The following ULBP2 variants were observed in gnomAD, a reference collection of about 807,000 sequenced individuals.
The protein encoded by ULBP2 is UL16-binding protein 2.
A neutral mutation model predicts 23.6 loss-of-function variants in ULBP2; 21 were observed. The observed-to-expected ratio is 0.89, with a 90% CI of 0.63 to 1.28. The LOEUF is 1.28. ULBP2 is among the 50% of genes most tolerant of loss of function. The pLI, the probability that ULBP2 is intolerant of heterozygous loss-of-function variation, is 0.00. For missense variants in ULBP2, 251 were observed against 306.0 expected (o/e 0.82, Z 1.34); for synonymous variants, 82 against 112.8 (o/e 0.73, Z 1.73).
intron 1 of ULBP2, among the ~76,000 whole-genome samples, chr6:149,943,295 G>A (rs1439380036): frequency 2.0e-5 from 3 of 152,166 alleles, no homozygotes; most frequent in African/African-American, 2.4e-5. Flanking sequence ...GTCAGTTGGA[G>A]AGTAGAAGGT....
chr6:149,946,456 G>T lies in ULBP2; in HGVS notation c.434G>T (p.Gly145Val), dbSNP rs1186843807. ...SSGSWQFSFD[G>V]QIFLLFDSEK... ...GGATCTTGGCAGTTCAGTTTCGATG[G>T]GCAGATCTTCCTCCTCTTTGACTCA... is the stretch of plus-strand genomic sequence containing the variant. Residue 145 changes from glycine (G) to valine (V), a missense_variant, in exon 3 of 5, where the codon GGG (glycine) becomes GTG (valine). Physicochemically the swap from Gly to Val is moderately radical, Grantham distance 109. Coordinates refer to ENST00000367351, the MANE Select transcript of ULBP2 (RefSeq NM_025217.4). The T allele has an allele frequency of 1.9e-6, 3 of 1,614,138 alleles. No homozygotes were observed. The South Asian group carries it at 3.3e-5, about 18-fold the overall frequency.
chr6:149,945,940 C>CAA (rs57354290), intron 2 of ULBP2, among the ~76,000 whole-genome samples: 11,927 of 72,860 alleles, frequency 0.16, 1,364 homozygotes, highest in African/African-American at 0.33. Flanking sequence ...GACTTTGTCT[C>CAA]AAAAAAAAAA....
intron 4 of ULBP2, among the ~76,000 whole-genome samples, chr6:149,947,944 C>A (rs371323942): frequency 6.6e-6 from 1 of 152,212 alleles, no homozygotes; most frequent in Non-Finnish European, 1.5e-5. Context: ...CCTTGGTACA[C>A]CTAATTGAAA....
At chr6:149,942,952 A>G (rs1013491927) in intron 1 of ULBP2, among the ~76,000 whole-genome samples, 2 of 152,174 alleles carry the variant, frequency 1.3e-5, no homozygotes, top group Admixed American at 6.5e-5. Context: ...TGGTGAGTAG[A>G]GGCACCCACT....
intron 1 of ULBP2, among the ~76,000 whole-genome samples, chr6:149,943,931 G>C (rs554722800): frequency 5.8e-4 from 88 of 152,084 alleles, no homozygotes; most frequent in Middle Eastern, 6.8e-3. Context: ...CATCATGCAT[G>C]GATTGTCTAT....
In ULBP2 at chr6:149,948,584, G is replaced by A. The variant is rs139775346; in HGVS notation, c.*23-139G>A. ...AAAGAGGTAGGTCCAAGCTGCAGTC[G>A]CCAGGGTTGAGGCTCAAGGGAAAAA... is the stretch of plus-strand genomic sequence containing the variant. On this transcript the variant is annotated intron_variant, in intron 4 of 4. Transcript: ENST00000367351. 3.3e-4 allele frequency: 142 copies of A among 436,258 alleles called. 1 individual carries two copies. The highest frequency in any genetic ancestry group is 1.4e-3 in the Middle Eastern group (4 of 2,852). The allele number at this position is 436,258 out of a possible 1,614,324, so 27.0% of individuals were successfully genotyped here.
chr6:149,948,454 G>A lies in ULBP2; in HGVS notation c.*23-269G>A, dbSNP rs554215979. ...TCAGATCATAGAGAGGGCCTTGAGT[G>A]AGGGCGCGGACCCATCACTACCAGC... On this transcript the variant is annotated intron_variant, in intron 4 of 4. Coordinates refer to ENST00000367351, the MANE Select transcript of ULBP2 (RefSeq NM_025217.4). Among the ~76,000 whole-genome samples the A allele has an allele frequency of 2.6e-5, 4 of 152,232 alleles. No homozygotes were observed. In the South Asian group the frequency reaches 8.3e-4, roughly 32 times the overall value.
intron 1 of ULBP2, 49 bp downstream of exon 1, chr6:149,942,206 G>T (rs775399167): frequency 6.3e-7 from 1 of 1,574,922 alleles, no homozygotes; most frequent in Non-Finnish European, 8.6e-7. Context: ...AGCCTGGAGG[G>T]CTGTGAACTG....
chr6:149,948,224 A>G (rs1230776728), intron 4 of ULBP2, among the ~76,000 whole-genome samples: 2 of 152,100 alleles, frequency 1.3e-5, no homozygotes, highest in African/African-American at 4.8e-5. Context: ...CACAGGCACC[A>G]CTGGGCTGGA....
chr6:149,944,293 G>A (rs797022016), intron 1 of ULBP2, among the ~76,000 whole-genome samples: 1 of 151,768 alleles, frequency 6.6e-6, no homozygotes, highest in East Asian at 1.9e-4. Flanking sequence ...GGGTGGGTTT[G>A]CATCTCTTTT....
rs547005549 is a variant in ULBP2, at chr6:149,943,308, T to C, written c.85+1151T>C. 2.8e-4 allele frequency among the ~76,000 whole-genome samples: 42 copies of C among 152,250 alleles called. 1 individual carries two copies. Among genetic ancestry groups the C allele is most frequent in the African/African-American group, 9.1e-4 (38 of 41,540 alleles). ...ATGTCAGTTGGAGAGTAGAAGGTGG[T>C]CCTACCTTGTCTGTGGCTTCTGGGT... On this transcript the variant is annotated intron_variant, in intron 1 of 4. Coordinates refer to ENST00000367351, the MANE Select transcript of ULBP2 (RefSeq NM_025217.4).
At position 149,942,105 on chromosome 6, in the gene ULBP2, G is replaced by A. The variant is rs1159890448; in HGVS notation, c.33G>A (p.Leu11=). 1 of 1,613,408 alleles carries A rather than the reference G, an allele frequency of 6.2e-7. No individual in the cohort carries two copies. Among genetic ancestry groups the A allele is most frequent in the Non-Finnish European group, 8.5e-7 (1 of 1,179,866 alleles). The part of the protein sequence containing the change: MAAAAATKIL[L]CLPLLLLLSG... ...CAGCCGCCGCTACCAAGATCCTTCT[G>A]TGCCTCCCGCTTCTGCTCCTGCTGT... Residue 11 remains leucine, a synonymous_variant, in exon 1 of 5, where the codon CTG becomes CTA. Transcript: ENST00000367351.
At chr6:149,943,285 G>T (rs1041130527) in intron 1 of ULBP2, among the ~76,000 whole-genome samples, 3 of 152,160 alleles carry the variant, frequency 2.0e-5, no homozygotes, top group African/African-American at 7.2e-5. Context: ...TGTCTCTGAT[G>T]TCAGTTGGAG....
rs543109817 is a variant in ULBP2, at chr6:149,945,440, C to A, written c.217C>A (p.Pro73Thr). 27 of 1,613,982 alleles carry A rather than the reference C, an allele frequency of 1.7e-5. No homozygotes were observed. Among genetic ancestry groups the A allele is most frequent in the Non-Finnish European group, 2.3e-5 (27 of 1,179,890 alleles). ...TGACTGTGGCAACAAGACAGTCACA[C>A]CTGTCAGTCCCCTGGGGAAGAAACT... ...HYDCGNKTVT[P>T]VSPLGKKLNV... is the part of the protein sequence containing the mutation. Residue 73 changes from proline to threonine, a missense_variant, in exon 2 of 5, where the codon CCT becomes ACT. Coordinates refer to ENST00000367351, the MANE Select transcript of ULBP2 (RefSeq NM_025217.4).
intron 1 of ULBP2, 41 bp downstream of exon 1, chr6:149,942,198 C>G: frequency 6.3e-7 from 1 of 1,595,948 alleles, no homozygotes. Flanking sequence ...GGGGACCAAG[C>G]CTGGAGGGCT....
chr6:149,947,159 CCCTT>C (rs1419345528), intron 3 of ULBP2, among the ~76,000 whole-genome samples, 157 bp from the exon 4 acceptor site: 24 of 152,010 alleles, frequency 1.6e-4, no homozygotes, highest in Admixed American at 6.5e-5. Flanking sequence ...CACCCCGTCT[CCCTT>C]CCTAAGCCAG....
intron 1 of ULBP2, 47 bp downstream of exon 1, chr6:149,942,204 G>A (rs1469552245): frequency 1.3e-6 from 2 of 1,589,424 alleles, no homozygotes; most frequent in South Asian, 2.3e-5. Flanking sequence ...CAAGCCTGGA[G>A]GGCTGTGAAC....
rs141264126 is a variant in ULBP2, at chr6:149,943,409, C to T, written c.85+1252C>T. Among the ~76,000 whole-genome samples, 393 of 151,972 alleles carry T rather than the reference C, an allele frequency of 2.6e-3. 2 individuals are homozygous for T. The Middle Eastern group carries it at 0.027, about 11-fold the overall frequency. ...CCTCCTTTGTGCTGAGTGGCATCCA[C>T]GGGGACCATCAGGTACCCTCCCTGA... is the stretch of plus-strand genomic sequence containing the variant. On this transcript the variant is annotated intron_variant, in intron 1 of 4. Transcript: ENST00000367351.
chr6:149,943,314 C>A (rs1778891292), intron 1 of ULBP2, among the ~76,000 whole-genome samples: 1 of 152,126 alleles, frequency 6.6e-6, no homozygotes, highest in Non-Finnish European at 1.5e-5. Context: ...GTGGTCCTAC[C>A]TTGTCTGTGG....
Sources: allele counts gnomAD v4.1 joint callset (sites outside exome capture counted in the v4.1 genomes callset), GRCh38; gene constraint gnomAD v4.1.1; transcripts MANE v1.5; gene names NCBI Gene and HGNC (gene_info 2026-07-23, HGNC 2026-07-21).